HADHA: variants seen among roughly 807,000 people sequenced by gnomAD.
The protein encoded by HADHA is hydroxyacyl-CoA dehydrogenase trifunctional multienzyme complex subunit alpha.
In HADHA, 59 loss-of-function variants were observed where a neutral mutation model predicts 91.3. The observed-to-expected ratio is 0.65, with a 90% confidence interval of 0.52 to 0.80. The LOEUF is 0.80. Ranked by LOEUF, HADHA falls within the 30% of genes least tolerant of loss-of-function variation. The probability of loss-of-function intolerance (pLI) is 0.00; values close to 1 mark genes in which losing one functional copy is unlikely to be tolerated. For missense variants in HADHA, 800 were observed against 927.6 expected, an observed-to-expected ratio of 0.86 and a Z score of 1.79; for synonymous variants, 320 against 338.9, an observed-to-expected ratio of 0.94 and a Z score of 0.61.
intron 7 of HADHA, among the ~76,000 whole-genome samples, chr2:26,222,486 G>A (rs1303151823): frequency 6.6e-6 from 1 of 152,168 alleles, no homozygotes; most frequent in African/African-American, 2.4e-5. Flanking sequence ...GACCTCAGCC[G>A]AGGATTTCAA....
intron 17 of HADHA, among the ~76,000 whole-genome samples, chr2:26,193,167 T>G (rs4665315): frequency 0.82 from 125,143 of 151,972 alleles, 51,891 homozygotes; most frequent in African/African-American, 0.93. Flanking sequence ...ATTTCATCTC[T>G]GGGGGATAAA....
intron 3 of HADHA, among the ~76,000 whole-genome samples, chr2:26,238,056 G>A (rs1003032759): frequency 6.6e-6 from 1 of 152,206 alleles, no homozygotes; most frequent in Non-Finnish European, 1.5e-5. Context: ...GGCCCAGGCT[G>A]GAGTGCAGTG....
intron 11 of HADHA, among the ~76,000 whole-genome samples, 155 bp downstream of exon 11, chr2:26,209,625 T>G (rs1314184172): frequency 3.9e-5 from 6 of 152,060 alleles, no homozygotes; most frequent in Admixed American, 3.9e-4. Flanking sequence ...AGCCAAAAAG[T>G]TTTTAGTAGA....
At chr2:26,240,488 G>A (rs1431353355) in intron 1 of HADHA, among the ~76,000 whole-genome samples, 1 of 152,136 alleles carries the variant, frequency 6.6e-6, no homozygotes, top group East Asian at 1.9e-4. Context: ...AGGGAAGAAG[G>A]GGATAGGTAA....
At chr2:26,191,713 T>C (rs1186248914) in intron 18 of HADHA, 85 bp from the exon 19 acceptor site, 3 of 1,379,798 alleles carry the variant, frequency 2.2e-6, no homozygotes, top group African/African-American at 2.8e-5. Context: ...GAAGTCGGGA[T>C]GGGTGCATGG....
At chr2:26,198,684 A>T (rs1669749340) in intron 13 of HADHA, among the ~76,000 whole-genome samples, 1 of 151,996 alleles carries the variant, frequency 6.6e-6, no homozygotes, top group South Asian at 2.1e-4. Context: ...AAAGAAAAGA[A>T]CTGTATAGGT....
At chr2:26,212,435 G>C (rs1013208349) in intron 10 of HADHA, 135 bp downstream of exon 10, 7 of 707,264 alleles carry the variant, frequency 9.9e-6, no homozygotes, top group Non-Finnish European at 1.8e-5. Flanking sequence ...TTAATCATAA[G>C]AGATGATAAG....
At chr2:26,206,349 C>T (rs1351713538) in intron 11 of HADHA, among the ~76,000 whole-genome samples, 4 of 151,738 alleles carry the variant, frequency 2.6e-5, no homozygotes, top group African/African-American at 9.7e-5. Context: ...CTGTCTCAGA[C>T]TCCCGAGGAG....
Position 26,237,153 on chromosome 2 carries a change from T to C in HADHA, c.181-165A>G, listed in dbSNP as rs1454658581. Among the ~76,000 whole-genome samples the C allele has an allele frequency of 2.0e-5, 3 of 152,236 alleles. No individual in the cohort carries two copies. The East Asian group carries it at 5.8e-4, about 29-fold the overall frequency. Reference sequence around the variant, plus strand: ...TTCTCCCAGCAAGTCAGTAGCTTTCTATTCAGGCAGCTTTGGCCCACTACA... The same window carrying C: ...TTCTCCCAGCAAGTCAGTAGCTTTCCATTCAGGCAGCTTTGGCCCACTACA... On this transcript the variant is annotated intron_variant, in intron 3 of 19. Coordinates refer to ENST00000380649, the MANE Select transcript of HADHA (RefSeq NM_000182.5).
chr2:26,192,179 A>G lies in HADHA; in HGVS notation c.2000+131T>C, dbSNP rs1309805650. 6.1e-6 allele frequency: 4 copies of G among 653,216 alleles called. No individual in the cohort carries two copies. The Admixed American group carries it at 9.6e-5, about 16-fold the overall frequency. The allele number at this position is 653,216 out of a possible 1,614,324, so 40.5% of individuals were successfully genotyped here. A position where few individuals can be genotyped will look rare whatever the true frequency, so the allele number is the denominator to read the frequency against. ...ACAGCACCATGGCACGTGTATACCT[A>G]TGTAACAAACCTGCACATGTATCCC... On this transcript the variant is annotated intron_variant, in intron 18 of 19. Transcript: ENST00000380649.
Position 26,195,216 on chromosome 2 carries a change from T to TAGTGC in HADHA, c.1491_1495dup (p.Tyr499CysfsTer30), listed in dbSNP as rs2147753741. 9 of 1,613,036 alleles carry TAGTGC rather than the reference T, an allele frequency of 5.6e-6. No homozygotes were observed. Among genetic ancestry groups the TAGTGC allele is most frequent in the Non-Finnish European group, 7.6e-6 (9 of 1,179,164 alleles). ...CTGCATCTTGTCCACGGGAGAGAAGTAGTGCATGCCAATCACCTGGCAAGG... is the reference window on the plus strand; with the variant it reads ...CTGCATCTTGTCCACGGGAGAGAAGTAGTGCAGTGCATGCCAATCACCTGGCAAGG... On this transcript the variant is annotated frameshift_variant, in exon 15 of 20. Transcript: ENST00000380649. LOFTEE classifies it high-confidence loss of function.
At chr2:26,217,775 T>C (rs1264115530) in intron 7 of HADHA, among the ~76,000 whole-genome samples, 1 of 151,808 alleles carries the variant, frequency 6.6e-6, no homozygotes, top group Non-Finnish European at 1.5e-5. Flanking sequence ...GGCATGGTGG[T>C]GCATGACTGT....
intron 5 of HADHA, among the ~76,000 whole-genome samples, chr2:26,232,758 A>G (rs1323073634): frequency 2.6e-5 from 4 of 152,246 alleles, no homozygotes; most frequent in Non-Finnish European, 5.9e-5. Flanking sequence ...CATGTGTCAC[A>G]TAATGAGGGG....
intron 13 of HADHA, among the ~76,000 whole-genome samples, chr2:26,198,896 CTTTT>C (rs869241203): frequency 7.1e-6 from 1 of 141,466 alleles, no homozygotes. Flanking sequence ...CAAAACATAA[CTTTT>C]TTTTTTTTTT....
In HADHA at chr2:26,210,448, C is replaced by A. The variant is rs1470314082; in HGVS notation, c.976-559G>T. On this transcript the variant is annotated intron_variant, in intron 10 of 19. Transcript: ENST00000380649. The surrounding 1 kb of genome is among the most constrained non-coding windows in gnomAD (Gnocchi z 4.0). ...GCAAGCTCCGCCTCCCAGGTTCACG[C>A]CATTCTCCTGCCTCAGCCTCCTGAG... The A allele has an allele frequency of 6.2e-6, 1 of 160,162 alleles. No homozygotes were observed. The highest frequency in any genetic ancestry group is 1.4e-5 in the Non-Finnish European group (1 of 73,108). 9.9% of individuals were successfully genotyped at this position (160,162 alleles called of 1,614,324 possible).
rs1415238630 is a variant in HADHA at position 26,232,273 on chromosome 2, T to C, written c.460A>G (p.Ile154Val). 3.1e-6 allele frequency: 5 copies of C among 1,599,260 alleles called. No individual in the cohort carries two copies. Among genetic ancestry groups the C allele is most frequent in the Non-Finnish European group, 4.3e-6 (5 of 1,166,678 alleles). ...GTTGCTATTCTGTATTGGCATGAAA[T>C]GGCAACCTTTGAACAAATGAAAGAA... ...SCLGGGLEVA[I>V]SCQYRIATKD... is the part of the protein sequence containing the mutation. Residue 154 changes from isoleucine to valine, a missense_variant, in exon 6 of 20, where the codon ATT becomes GTT. Physicochemically the swap from Ile to Val is conservative, Grantham distance 29. Coordinates refer to ENST00000380649, the MANE Select transcript of HADHA (RefSeq NM_000182.5).
rs1670695483 is a variant in HADHA at position 26,234,325 on chromosome 2, T to C, written c.345A>G (p.Glu115=). Residue 115 remains glutamate (E), a synonymous_variant, in exon 5 of 20, where the codon GAA becomes GAG. Coordinates refer to ENST00000380649, the MANE Select transcript of HADHA (RefSeq NM_000182.5). ...GTGCTTCTTGTGATAGCTGTGTTACTTCTTGAAGGGTCTTGCAAGCGGCTA... is the reference window on the plus strand; with the variant it reads ...GTGCTTCTTGTGATAGCTGTGTTACCTCTTGAAGGGTCTTGCAAGCGGCTA... ...NMLAACKTLQ[E]VTQLSQEAQR... 1 of 1,613,538 alleles carries C rather than the reference T, an allele frequency of 6.2e-7. No homozygotes were observed.
intron 13 of HADHA, among the ~76,000 whole-genome samples, chr2:26,199,556 A>G (rs1408680881): frequency 6.6e-6 from 1 of 152,096 alleles, no homozygotes. Flanking sequence ...TTGGACATGT[A>G]TGTCTTTTCT....
Position 26,244,608 on chromosome 2 carries a change from G to A in HADHA, c.-12C>T, listed in dbSNP as rs374399738. On this transcript the variant is annotated 5_prime_UTR_variant, in exon 1 of 20. Coordinates refer to ENST00000380649, the MANE Select transcript of HADHA (RefSeq NM_000182.5). ...CGGCAGGCCACCATCTTGAGCTGAA[G>A]AGGACAGCAGTGGAGAGCGCCTCTA... 6 of 1,571,840 alleles carry A rather than the reference G, an allele frequency of 3.8e-6. No homozygotes were observed. Among genetic ancestry groups the A allele is most frequent in the African/African-American group, 2.7e-5 (2 of 73,940 alleles).
Sources: gnomAD v4.1 joint callset for allele counts (sites outside exome capture counted in the v4.1 genomes callset) on GRCh38, gnomAD v4.1.1 for gene constraint, Gnocchi (gnomAD v3.1) non-coding constraint, MANE v1.5 for transcripts, NCBI Gene and HGNC (gene_info 2026-07-23, HGNC 2026-07-21) for gene names.